PLCG2: variants seen among roughly 807,000 people sequenced by gnomAD.
PLCG2 encodes the protein phospholipase C gamma 2, also known as 1-phosphatidylinositol 4,5-bisphosphate phosphodiesterase gamma-2.
Under a neutral mutation model 175.6 loss-of-function variants are expected in PLCG2, and 69 were observed. The observed-to-expected ratio is 0.39, with a 90% confidence interval of 0.32 to 0.48. The LOEUF (loss-of-function observed/expected upper bound fraction) is 0.48, where lower values mean the gene tolerates loss of function less well. PLCG2 is among the 20% of genes least tolerant of loss of function. The probability of loss-of-function intolerance (pLI) is 0.91; values close to 1 mark genes in which losing one functional copy is unlikely to be tolerated. For synonymous variants in PLCG2, 827 were observed against 624.0 expected (o/e 1.33, Z -4.85); for missense variants, 1,798 against 1,650.9 (o/e 1.09, Z -1.54).
At chr16:81,744,236 T>C (rs9939612) in intron 1 of PLCG2, among the ~76,000 whole-genome samples, 91,488 of 147,754 alleles carry the variant, frequency 0.62, 28,524 homozygotes, top group African/African-American at 0.64. Flanking sequence ...GGAGTGATTT[T>C]GGCTCACTGT....
At chr16:81,746,759 A>G (rs911323058) in intron 1 of PLCG2, among the ~76,000 whole-genome samples, 1 of 152,192 alleles carries the variant, frequency 6.6e-6, no homozygotes, top group African/African-American at 2.4e-5. Context: ...CTCAGGCTTG[A>G]TAACGTCAAT....
At chr16:81,827,543 CAT>C (rs1905093651) in intron 2 of PLCG2, among the ~76,000 whole-genome samples, 2 of 152,160 alleles carry the variant, frequency 1.3e-5, no homozygotes, top group Non-Finnish European at 2.9e-5. Context: ...GGATCAGAAA[CAT>C]AAATACCTGC....
intron 17 of PLCG2, 132 bp from the exon 18 acceptor site, chr16:81,910,388 G>A (rs1339845816): frequency 5.1e-6 from 4 of 782,410 alleles, no homozygotes; most frequent in Admixed American, 2.1e-5. Flanking sequence ...ACTGCGCCCA[G>A]CCTCCTGTGT....
chr16:81,954,728 C>G (rs1455399150), intron 31 of PLCG2, among the ~76,000 whole-genome samples: 2 of 152,158 alleles, frequency 1.3e-5, no homozygotes, highest in South Asian at 4.2e-4. Context: ...TTTTCTTTAT[C>G]TAGTCTATCA....
intron 14 of PLCG2, among the ~76,000 whole-genome samples, chr16:81,904,622 C>A (rs1023472140): frequency 1.3e-5 from 2 of 152,230 alleles, no homozygotes; most frequent in Admixed American, 6.5e-5. Context: ...GCCTTTCCCT[C>A]TGTGTGCTAG....
rs563152452 is a variant in PLCG2 at position 81,891,512 on chromosome 16, A to C, written c.908A>C (p.Asp303Ala). Residue 303 changes from aspartate (D) to alanine (A), a missense_variant, in exon 11 of 33, where the codon GAT (aspartate) becomes GCT (alanine). Physicochemically the swap from Asp to Ala is moderately radical, Grantham distance 126 (BLOSUM62 -2). Coordinates refer to ENST00000564138, the MANE Select transcript of PLCG2 (RefSeq NM_002661.5). ...YLFSRENSIWDEKYDAVDMQD... is the reference protein window; with the variant it reads ...YLFSRENSIWAEKYDAVDMQD... ...TTTTCACGAGAAAACAGCATCTGGG[A>C]TGAGAAGTATGACGCGGTGGACATG... is the stretch of plus-strand genomic sequence containing the variant. 1 of 1,611,692 alleles carries C rather than the reference A, an allele frequency of 6.2e-7. No homozygotes were observed. The highest frequency in any genetic ancestry group is 1.1e-5 in the South Asian group (1 of 91,038).
chr16:81,829,388 C>A (rs1905171522), intron 2 of PLCG2, among the ~76,000 whole-genome samples: 2 of 152,150 alleles, frequency 1.3e-5, no homozygotes, highest in Admixed American at 1.3e-4. Context: ...GGATTACAGG[C>A]GTGAGCCACC....
At chr16:81,827,119 CAG>C (rs1567484825) in intron 2 of PLCG2, among the ~76,000 whole-genome samples, 5 of 151,996 alleles carry the variant, frequency 3.3e-5, no homozygotes, top group African/African-American at 9.7e-5. Flanking sequence ...AAATAAGACT[CAG>C]GGGATGCCCC....
At chr16:81,868,297 T>C (rs1221540333) in intron 5 of PLCG2, among the ~76,000 whole-genome samples, 2 of 148,164 alleles carry the variant, frequency 1.3e-5, no homozygotes, top group Non-Finnish European at 3.0e-5. Flanking sequence ...GCCTTGTTCC[T>C]TCCCACTTCC....
intron 2 of PLCG2, among the ~76,000 whole-genome samples, chr16:81,757,899 A>T (rs571765141): frequency 6.6e-5 from 10 of 152,172 alleles, no homozygotes; most frequent in African/African-American, 2.4e-4. Context: ...TCATGTACAT[A>T]GAATCATATA....
At chr16:81,892,043 T>C (rs547300789) in intron 11 of PLCG2, among the ~76,000 whole-genome samples, 1 of 152,264 alleles carries the variant, frequency 6.6e-6, no homozygotes, top group East Asian at 1.9e-4. Flanking sequence ...AAGACCTCCA[T>C]TGAAAGTTAA....
At chr16:81,820,803 T>G (rs919676528) in intron 2 of PLCG2, among the ~76,000 whole-genome samples, 5 of 151,626 alleles carry the variant, frequency 3.3e-5, no homozygotes, top group African/African-American at 1.2e-4. Context: ...GTATTTTTAG[T>G]AGAGGCAGGG....
intron 1 of PLCG2, among the ~76,000 whole-genome samples, chr16:81,746,221 C>T (rs532261992): frequency 2.0e-5 from 3 of 152,208 alleles, no homozygotes; most frequent in Admixed American, 2.0e-4. Context: ...ACGCTTTCAG[C>T]CCTCCCCGGT....
intron 21 of PLCG2, among the ~76,000 whole-genome samples, chr16:81,922,470 G>T (rs1262415488): frequency 6.6e-6 from 1 of 152,208 alleles, no homozygotes; most frequent in Admixed American, 6.5e-5. Flanking sequence ...CTTAAGAAGT[G>T]CAAGCTGTTG....
intron 2 of PLCG2, among the ~76,000 whole-genome samples, chr16:81,825,020 G>A (rs1015867309): frequency 5.9e-5 from 9 of 152,218 alleles, no homozygotes; most frequent in African/African-American, 1.4e-4. Flanking sequence ...AGAAATGCAG[G>A]TGGCCTCTAG....
At chr16:81,753,591 G>C (rs1160165879) in intron 1 of PLCG2, among the ~76,000 whole-genome samples, 1 of 151,912 alleles carries the variant, frequency 6.6e-6, no homozygotes, top group Non-Finnish European at 1.5e-5. Context: ...GCTAATTTTT[G>C]TATTTTCAGT....
intron 7 of PLCG2, among the ~76,000 whole-genome samples, chr16:81,871,167 G>C (rs78505092): frequency 2.6e-4 from 40 of 152,140 alleles, no homozygotes; most frequent in African/African-American, 8.9e-4. Flanking sequence ...ATGCCTTCCT[G>C]GTGGAAATGC....
intron 13 of PLCG2, among the ~76,000 whole-genome samples, chr16:81,900,364 C>T (rs962829014): frequency 6.6e-6 from 1 of 152,216 alleles, no homozygotes; most frequent in Non-Finnish European, 1.5e-5. Flanking sequence ...GAAAAAAATA[C>T]AGAGAAAAGG....
In PLCG2 at chr16:81,959,444, GGGTGT is replaced by G. The variant is rs1184991584; in HGVS notation, c.*1449_*1453del. ...TGCCAAATACAGTGCCAAGATTTGG[GGGTGT>G]GGATGTTTAAACAAAAAGCTGTGGG... On this transcript the variant is annotated 3_prime_UTR_variant, in exon 33 of 33. Transcript: ENST00000564138. 4 of 219,444 alleles carry G rather than the reference GGGTGT, an allele frequency of 1.8e-5. No individual in the cohort carries two copies. Among genetic ancestry groups the G allele is most frequent in the African/African-American group, 9.0e-5 (4 of 44,536 alleles). The allele number at this position is 219,444 out of a possible 1,614,324, so 13.6% of individuals were successfully genotyped here.
Sources: gnomAD v4.1 joint callset for allele counts (sites outside exome capture counted in the v4.1 genomes callset) on GRCh38, gnomAD v4.1.1 for gene constraint, MANE v1.5 for transcripts, NCBI Gene and HGNC (gene_info 2026-07-23, HGNC 2026-07-21) for gene names.